The following FAP variants were observed in gnomAD, a reference collection of about 807,000 sequenced individuals.
The protein encoded by FAP is prolyl endopeptidase FAP.
Under a neutral mutation model 126.5 loss-of-function variants are expected in FAP, and 110 were observed. The ratio of observed to expected loss-of-function variants is 0.87; its 90% CI spans 0.74 to 1.02. FAP has a LOEUF of 1.02. Among genes scored for constraint, FAP ranks in the 50% least tolerant of loss-of-function variants. The pLI is 0.00. For synonymous variants in FAP, 334 were observed against 297.3 expected, an observed-to-expected ratio of 1.12 and a Z score of -1.27; for missense variants, 919 against 909.2, an observed-to-expected ratio of 1.01 and a Z score of -0.14.
In FAP at chr2:162,202,486, T is replaced by C. The variant is rs543411254; in HGVS notation, c.1223+386A>G. On this transcript the variant is annotated intron_variant, in intron 14 of 25. Transcript: ENST00000188790. Reference sequence around the variant, plus strand: ...ATGACAGTTGTTATAAATAATAATGTTAAACTTATATAACAATGAATCACT... The same window carrying C: ...ATGACAGTTGTTATAAATAATAATGCTAAACTTATATAACAATGAATCACT... Among the ~76,000 whole-genome samples, 8 of 152,336 alleles carry C rather than the reference T, an allele frequency of 5.3e-5. No homozygotes were observed. The East Asian group carries it at 1.3e-3, about 26-fold the overall frequency.
intron 21 of FAP, 131 bp downstream of exon 21, chr2:162,183,282 CT>C (rs898336470): frequency 1.6e-5 from 12 of 767,000 alleles, no homozygotes; most frequent in Non-Finnish European, 2.5e-5. Context: ...ATTATCCAAA[CT>C]GACTGTTTCC....
chr2:162,173,367 TTCATCA>T (rs1198836187), intron 23 of FAP, 146 bp from the exon 24 acceptor site: 1 of 658,874 alleles, frequency 1.5e-6, no homozygotes, highest in Non-Finnish European at 2.7e-6. Context: ...GCAACACATT[TTCATCA>T]TCATTTGCAT....
rs35557909 is a variant in FAP at position 162,234,938 on chromosome 2, G to A, written c.91+7970C>T. 9.8e-3 allele frequency among the ~76,000 whole-genome samples: 1,495 copies of A among 152,266 alleles called. 14 individuals carry two copies. Among genetic ancestry groups the A allele is most frequent in the Middle Eastern group, 0.017 (5 of 294 alleles). On this transcript the variant is annotated intron_variant, in intron 2 of 25. Coordinates refer to ENST00000188790, the MANE Select transcript of FAP (RefSeq NM_004460.5). ...GTTCTGGGTGGGCGTGGGCTTGGTG[G>A]GCCCCACACTCCCAGCGGCCCGGGC...
At chr2:162,174,154 A>G (rs1687404986) in intron 22 of FAP, among the ~76,000 whole-genome samples, 1 of 152,114 alleles carries the variant, frequency 6.6e-6, no homozygotes, top group African/African-American at 2.4e-5. Context: ...AGCCATCTTT[A>G]GGACTTTTAC....
chr2:162,213,419 A>C (rs1000446063), intron 11 of FAP, among the ~76,000 whole-genome samples: 1 of 150,538 alleles, frequency 6.6e-6, no homozygotes, highest in Non-Finnish European at 1.5e-5. Flanking sequence ...AAAACAAAAA[A>C]CAAACAAAAA....
chr2:162,224,397 C>CT lies in FAP; in HGVS notation c.360+68dup, dbSNP rs1559789765. On this transcript the variant is annotated intron_variant, in intron 5 of 25. Coordinates refer to ENST00000188790, the MANE Select transcript of FAP (RefSeq NM_004460.5). Reference sequence around the variant, plus strand: ...AAAGACAGACTCTTGCTTTCTCTCACTTTTTTTAAACCACCTTGTGGATTA... The same window carrying CT: ...AAAGACAGACTCTTGCTTTCTCTCACTTTTTTTTAAACCACCTTGTGGATTA... 2.4e-5 allele frequency: 23 copies of CT among 943,306 alleles called. No individual in the cohort carries two copies. The South Asian group carries it at 2.8e-4, about 11-fold the overall frequency. 58.4% of individuals were successfully genotyped at this position (943,306 alleles called of 1,614,324 possible). A position where few individuals can be genotyped will look rare whatever the true frequency, so the allele number is the denominator to read the frequency against.
intron 9 of FAP, 21 bp from the exon 10 acceptor site, chr2:162,216,022 T>C (rs375939228): frequency 9.7e-6 from 15 of 1,546,598 alleles, no homozygotes; most frequent in South Asian, 3.4e-5. Context: ...AATTGAGATA[T>C]ATAAGCTCAT....
intron 11 of FAP, among the ~76,000 whole-genome samples, chr2:162,210,868 C>T (rs1318812321): frequency 2.0e-5 from 3 of 152,020 alleles, no homozygotes; most frequent in African/African-American, 7.2e-5. Context: ...GAAAATGAAG[C>T]CACACATATT....
chr2:162,205,619 T>G (rs1220701956), intron 12 of FAP, among the ~76,000 whole-genome samples: 1 of 152,170 alleles, frequency 6.6e-6, no homozygotes, highest in Non-Finnish European at 1.5e-5. Context: ...GCACAAGTGA[T>G]TCTCCTGCCT....
At chr2:162,173,391 A>C (rs943043768) in intron 23 of FAP, among the ~76,000 whole-genome samples, 170 bp from the exon 24 acceptor site, 1 of 152,044 alleles carries the variant, frequency 6.6e-6, no homozygotes, top group Admixed American at 6.6e-5. Flanking sequence ...CATTACTTCC[A>C]TCTGATTCTT....
intron 11 of FAP, among the ~76,000 whole-genome samples, chr2:162,210,387 G>A (rs1315450567): frequency 6.6e-6 from 1 of 152,044 alleles, no homozygotes; most frequent in Non-Finnish European, 1.5e-5. Flanking sequence ...CTTATTTTGG[G>A]TTATATTTTA....
At position 162,238,020 on chromosome 2, in the gene FAP, C is replaced by T. The variant is rs187248089; in HGVS notation, c.91+4888G>A. ...TTTTTTGAGAAATGTCTGTTCATGT[C>T]GTTTGCCCACTTTTTGATGGGATTG... On this transcript the variant is annotated intron_variant, in intron 2 of 25. Transcript: ENST00000188790. Among the ~76,000 whole-genome samples, 11 of 150,682 alleles carry T rather than the reference C, an allele frequency of 7.3e-5. No homozygotes were observed. In the East Asian group the frequency reaches 1.9e-3, roughly 27 times the overall value.
At chr2:162,208,633 G>A (rs1688802772) in intron 12 of FAP, among the ~76,000 whole-genome samples, 3 of 152,008 alleles carry the variant, frequency 2.0e-5, no homozygotes, top group African/African-American at 7.2e-5. Context: ...TATTTGTAAT[G>A]GGAGTGAATT....
intron 16 of FAP, chr2:162,195,085 C>A: frequency 3.3e-6 from 1 of 302,936 alleles, no homozygotes; most frequent in Middle Eastern, 1.1e-3. Context: ...TGTATTGGGC[C>A]AGTTTTGGCT....
At chr2:162,213,720 A>G (rs1423120196) in intron 11 of FAP, among the ~76,000 whole-genome samples, 1 of 152,142 alleles carries the variant, frequency 6.6e-6, no homozygotes, top group Non-Finnish European at 1.5e-5. Flanking sequence ...CTTTTTGGCT[A>G]TTCAATTTCA....
intron 2 of FAP, among the ~76,000 whole-genome samples, chr2:162,230,878 C>T (rs1330627664): frequency 6.6e-6 from 1 of 152,124 alleles, no homozygotes; most frequent in African/African-American, 2.4e-5. Context: ...CAATGCACTC[C>T]TGTGCCTATA....
At chr2:162,224,911 A>G (rs1248139500) in intron 4 of FAP, among the ~76,000 whole-genome samples, 1 of 152,156 alleles carries the variant, frequency 6.6e-6, no homozygotes, top group Non-Finnish European at 1.5e-5. Context: ...AGTATTATCT[A>G]AACTTGGTTT....
intron 2 of FAP, among the ~76,000 whole-genome samples, chr2:162,229,829 C>T (rs1689819785): frequency 1.3e-5 from 2 of 148,856 alleles, no homozygotes; most frequent in Non-Finnish European, 3.0e-5. Flanking sequence ...TAAATGCCAA[C>T]AATCGATATA....
intron 16 of FAP, among the ~76,000 whole-genome samples, chr2:162,195,536 TG>T (rs1688222471): frequency 6.6e-6 from 1 of 151,266 alleles, no homozygotes; most frequent in African/African-American, 2.4e-5. Context: ...GAGGTAGGGT[TG>T]GGGGGCGTGC....
Sources: gnomAD v4.1 joint callset for allele counts (sites outside exome capture counted in the v4.1 genomes callset) on GRCh38, gnomAD v4.1.1 for gene constraint, MANE v1.5 for transcripts, NCBI Gene and HGNC (gene_info 2026-07-23, HGNC 2026-07-21) for gene names.